Variants in C8orf76 observed in about 807,000 individuals in gnomAD.
C8orf76 encodes uncharacterized protein C8orf76.
A neutral mutation model predicts 38.1 loss-of-function variants in C8orf76; 46 were observed. The observed-to-expected ratio is 1.21, with a 90% CI of 0.95 to 1.54. C8orf76 has a LOEUF of 1.54. Among genes scored for constraint, C8orf76 ranks in the 40% most tolerant of loss-of-function variants. C8orf76 has a pLI of 0.00. For synonymous variants in C8orf76, 166 were observed against 167.5 expected (o/e 0.99, Z 0.07); for missense variants, 461 against 441.6 (o/e 1.04, Z -0.39).
chr8:123,241,094 G>T (rs1002222461), intron 1 of C8orf76, 136 bp downstream of exon 1: 1 of 857,122 alleles, frequency 1.2e-6, no homozygotes, highest in Non-Finnish European at 1.7e-6. Flanking sequence ...GAGGAGGGAC[G>T]GCGGGGGACG....
intron 4 of C8orf76, among the ~76,000 whole-genome samples, chr8:123,228,771 C>A (rs1825135611): frequency 6.6e-6 from 1 of 152,134 alleles, no homozygotes; most frequent in Non-Finnish European, 1.5e-5. Context: ...ATAAAAACAA[C>A]AAAAATAAAA....
At chr8:123,227,019 C>T (rs1271624131) in intron 4 of C8orf76, among the ~76,000 whole-genome samples, 1 of 152,212 alleles carries the variant, frequency 6.6e-6, no homozygotes, top group Non-Finnish European at 1.5e-5. Context: ...CACAGGCCCT[C>T]TGGATTTGCT....
intron 4 of C8orf76, among the ~76,000 whole-genome samples, chr8:123,229,508 G>A (rs1486889908): frequency 2.0e-5 from 3 of 152,186 alleles, no homozygotes; most frequent in Admixed American, 2.0e-4. Context: ...CCCTGACGTT[G>A]GTCACAGCAC....
chr8:123,231,260 A>G, intron 4 of C8orf76, 40 bp downstream of exon 4: 1 of 1,561,876 alleles, frequency 6.4e-7, no homozygotes, highest in South Asian at 1.2e-5. Flanking sequence ...CTTTACTCTG[A>G]GCTGATTACC....
In C8orf76 at chr8:123,231,762, G is replaced by GA; in HGVS notation, c.358-6_358-5insT. 1 of 1,539,364 alleles carries GA rather than the reference G, an allele frequency of 6.5e-7. No homozygotes were observed. Among genetic ancestry groups the GA allele is most frequent in the Non-Finnish European group, 8.7e-7 (1 of 1,153,692 alleles). ...TGTGTTGGTTGCTTTATTTTCCTAA[G>GA]GAGAAAAAAAAAAGGTTAAGAAGTT... On this transcript the variant is annotated splice_region_variant and splice_polypyrimidine_tract_variant and intron_variant, in intron 3 of 5. Transcript: ENST00000276704.
Position 123,237,788 on chromosome 8 carries a change from A to C in C8orf76, c.357+10T>G. The C allele has an allele frequency of 3.7e-6, 6 of 1,608,146 alleles. No individual in the cohort carries two copies. Among genetic ancestry groups the C allele is most frequent in the Non-Finnish European group, 4.2e-6 (5 of 1,178,126 alleles). ...GAATGTGTGTGAAAATAAGCAATAAAATCACTCACCAAGTTTGCAGCAATC... is the reference window on the plus strand; with the variant it reads ...GAATGTGTGTGAAAATAAGCAATAACATCACTCACCAAGTTTGCAGCAATC... On this transcript the variant is annotated intron_variant, in intron 3 of 5. Transcript: ENST00000276704.
At chr8:123,234,706 T>C (rs544611194) in intron 3 of C8orf76, among the ~76,000 whole-genome samples, 6 of 147,176 alleles carry the variant, frequency 4.1e-5, no homozygotes, top group South Asian at 2.2e-4. Context: ...GAGGCGGAGG[T>C]TGCAGTGAGC....
intron 5 of C8orf76, chr8:123,226,285 G>A (rs1825040577): frequency 7.2e-7 from 1 of 1,393,070 alleles, no homozygotes. Flanking sequence ...GCACTGACAA[G>A]TACATGAAAC....
Position 123,231,567 on chromosome 8 carries a change from G to T in C8orf76, c.548C>A (p.Ala183Glu). Reference sequence around the variant, plus strand: ...CTGTTTCTGAGATGACGCAAGTGCTGCTGAAAGAGCTGGCCCCAGATTCAG... The same window carrying T: ...CTGTTTCTGAGATGACGCAAGTGCTTCTGAAAGAGCTGGCCCCAGATTCAG... ...AYLNLGPALS[A>E]ALASSQKQHS... is the part of the protein sequence containing the mutation. The change falls in exon 4 of 6, where the codon GCA becomes GAA. Residue 183 changes from alanine to glutamate, a missense_variant. Coordinates refer to ENST00000276704, the MANE Select transcript of C8orf76 (RefSeq NM_032847.3). 1 of 1,614,230 alleles carries T rather than the reference G, an allele frequency of 6.2e-7. No homozygotes were observed. The highest frequency in any genetic ancestry group is 2.2e-5 in the East Asian group (1 of 44,888).
At chr8:123,238,818 C>G (rs1825585902) in intron 2 of C8orf76, 1 of 445,192 alleles carries the variant, frequency 2.2e-6, no homozygotes, top group Admixed American at 3.5e-5. Flanking sequence ...AATAAACCTA[C>G]AAGGACAAGG....
chr8:123,236,475 A>C (rs1221890846), intron 3 of C8orf76, among the ~76,000 whole-genome samples: 4 of 152,206 alleles, frequency 2.6e-5, no homozygotes, highest in African/African-American at 9.6e-5. Flanking sequence ...GTGTGGAAAA[A>C]GGCAATAAAA....
At chr8:123,235,184 CA>C in intron 3 of C8orf76, among the ~76,000 whole-genome samples, 1 of 152,116 alleles carries the variant, frequency 6.6e-6, no homozygotes, top group East Asian at 1.9e-4. Context: ...ACAGGAATAC[CA>C]ACCACTATAA....
rs150909051 is a variant in C8orf76, at chr8:123,228,714, C to A, written c.816-2082G>T. Among the ~76,000 whole-genome samples the A allele has an allele frequency of 4.6e-5, 7 of 152,078 alleles. No individual in the cohort carries two copies. The East Asian group carries it at 1.3e-3, about 29-fold the overall frequency. ...AACCTGCAAATACTCTTCAGGCCTT[C>A]GGCACAAAGACCAAACCCTTGTGAC... On this transcript the variant is annotated intron_variant, in intron 4 of 5. Transcript: ENST00000276704.
At chr8:123,224,161 A>AT (rs146621699) in intron 5 of C8orf76, among the ~76,000 whole-genome samples, 4,656 of 152,328 alleles carry the variant, frequency 0.031, 221 homozygotes, top group African/African-American at 0.11. Context: ...TTGTTATAGA[A>AT]TAAAAAAGAC....
rs549492708 is a variant in C8orf76 at position 123,227,025 on chromosome 8, T to A, written c.816-393A>T. On this transcript the variant is annotated intron_variant, in intron 4 of 5. Coordinates refer to ENST00000276704, the MANE Select transcript of C8orf76 (RefSeq NM_032847.3). ...CTCCTCTCACACAGGCCCTCTGGAT[T>A]TGCTCCTTTGAAGTCAGTGTTCTGT... Among the ~76,000 whole-genome samples, 15 of 152,266 alleles carry A rather than the reference T, an allele frequency of 9.9e-5. No homozygotes were observed. The East Asian group carries it at 2.9e-3, about 29-fold the overall frequency.
intron 3 of C8orf76, among the ~76,000 whole-genome samples, chr8:123,233,716 TA>T (rs1825361247): frequency 6.6e-6 from 1 of 151,702 alleles, no homozygotes; most frequent in East Asian, 2.0e-4. Context: ...GGTGGATTAG[TA>T]AACTCCTTCT....
intron 5 of C8orf76, among the ~76,000 whole-genome samples, chr8:123,220,929 G>T (rs992206091): frequency 2.6e-5 from 4 of 152,194 alleles, no homozygotes; most frequent in Admixed American, 2.6e-4. Context: ...CTGACCTTGG[G>T]TAATGACAAT....
At chr8:123,221,876 T>C (rs192291104) in intron 5 of C8orf76, among the ~76,000 whole-genome samples, 1 of 152,202 alleles carries the variant, frequency 6.6e-6, no homozygotes, top group Non-Finnish European at 1.5e-5. Flanking sequence ...GCCACTGCAC[T>C]TCAGCCTGGG....
chr8:123,222,318 GAT>G (rs1163367963), intron 5 of C8orf76, among the ~76,000 whole-genome samples: 2 of 152,196 alleles, frequency 1.3e-5, no homozygotes, highest in East Asian at 3.8e-4. Context: ...CACATCAAAT[GAT>G]ATGTCTTAAA....
Sources: gnomAD v4.1 joint callset for allele counts (sites outside exome capture counted in the v4.1 genomes callset) on GRCh38, gnomAD v4.1.1 for gene constraint, MANE v1.5 for transcripts, NCBI Gene and HGNC (gene_info 2026-07-23, HGNC 2026-07-21) for gene names.